Variants in ROBO2 observed in about 807,000 individuals in gnomAD.
ROBO2 encodes the protein roundabout homolog 2.
A neutral mutation model predicts 160.8 loss-of-function variants in ROBO2; 53 were observed. That is an observed-to-expected ratio of 0.33 (90% confidence interval 0.26 to 0.41). The LOEUF (loss-of-function observed/expected upper bound fraction) is 0.41. Among genes scored for constraint, ROBO2 ranks in the 10% least tolerant of loss-of-function variants. The pLI, the probability that ROBO2 is intolerant of heterozygous loss-of-function variation, is 1.00. For missense variants in ROBO2, 1,577 were observed against 1,722.4 expected, an observed-to-expected ratio of 0.92 and a Z score of 1.49; for synonymous variants, 664 against 611.7, an observed-to-expected ratio of 1.09 and a Z score of -1.26.
chr3:77,267,178 A>C (rs1034055905), intron 2 of ROBO2, among the ~76,000 whole-genome samples: 4 of 152,174 alleles, frequency 2.6e-5, no homozygotes, highest in Non-Finnish European at 5.9e-5. Flanking sequence ...CTTGCAATCT[A>C]GTTTGTATGC....
intron 2 of ROBO2, among the ~76,000 whole-genome samples, chr3:75,952,928 G>A (rs1253339992): frequency 1.3e-5 from 2 of 151,850 alleles, no homozygotes; most frequent in Non-Finnish European, 2.9e-5. Context: ...CTTTCACTTG[G>A]CAATATGCAT....
Position 76,622,235 on chromosome 3 carries a change from G to GAAGA in ROBO2, c.110-475704_110-475701dup, listed in dbSNP as rs66811756. ...GGAAGGAAGGAAGGAAGGAAGGAAG[G>GAAGA]AAGAAAGAAAGAAAGAAAGAAAGAA... is the stretch of plus-strand genomic sequence containing the variant. On this transcript the variant is annotated intron_variant, in intron 2 of 26. Coordinates refer to the ROBO2 transcript ENST00000487694. Among the ~76,000 whole-genome samples, 122 of 44,760 alleles carry GAAGA rather than the reference G, an allele frequency of 2.7e-3. 3 individuals carry two copies. The highest frequency in any genetic ancestry group is 5.8e-3 in the East Asian group (6 of 1,040). The allele number at this position is 44,760 out of a possible 152,430, so 29.4% of individuals were successfully genotyped here. A position where few individuals can be genotyped will look rare whatever the true frequency, so the allele number is the denominator to read the frequency against.
At chr3:77,031,165 ATT>A (rs983440298) in intron 2 of ROBO2, among the ~76,000 whole-genome samples, 14 of 152,078 alleles carry the variant, frequency 9.2e-5, no homozygotes, top group African/African-American at 3.4e-4. Context: ...CTGCCTTTTC[ATT>A]TGTTTGGAAA....
At chr3:76,459,170 G>T (rs1432523394) in intron 2 of ROBO2, among the ~76,000 whole-genome samples, 2 of 152,124 alleles carry the variant, frequency 1.3e-5, no homozygotes, top group Non-Finnish European at 2.9e-5. Context: ...CTTCTTTTCA[G>T]ACATATTTGG....
chr3:77,270,977 G>C (rs1409381076), intron 2 of ROBO2, among the ~76,000 whole-genome samples: 3 of 150,322 alleles, frequency 2.0e-5, no homozygotes, highest in Non-Finnish European at 4.4e-5. Flanking sequence ...CTATGTCATT[G>C]TTGAAAGTGA....
intron 2 of ROBO2, among the ~76,000 whole-genome samples, chr3:77,114,618 C>T (rs575920055): frequency 3.5e-4 from 54 of 152,228 alleles, no homozygotes; most frequent in African/African-American, 1.3e-3. Context: ...ATCAGCCATT[C>T]AGGTCTAAGG....
chr3:76,219,506 G>C (rs573714056), intron 2 of ROBO2, among the ~76,000 whole-genome samples: 69 of 152,252 alleles, frequency 4.5e-4, no homozygotes, highest in African/African-American at 1.6e-3. Flanking sequence ...CCATCAAAAA[G>C]TGGGCGAAGG....
intron 2 of ROBO2, among the ~76,000 whole-genome samples, chr3:76,419,427 G>A (rs756660359): frequency 4.0e-5 from 6 of 151,126 alleles, no homozygotes; most frequent in Non-Finnish European, 5.9e-5. Flanking sequence ...CAATGGAAAT[G>A]GGTTACAAAC....
chr3:77,418,722 G>A (rs1350924988), intron 2 of ROBO2, among the ~76,000 whole-genome samples: 1 of 152,110 alleles, frequency 6.6e-6, no homozygotes, highest in African/African-American at 2.4e-5. Flanking sequence ...ATGATGGAGA[G>A]AGACATTTAA....
At chr3:76,283,871 G>T (rs1249991861) in intron 2 of ROBO2, among the ~76,000 whole-genome samples, 1 of 151,844 alleles carries the variant, frequency 6.6e-6, no homozygotes, top group African/African-American at 2.4e-5. Flanking sequence ...TATTACATGG[G>T]GTCTTCTCTA....
At chr3:76,432,947 A>T (rs940418028) in intron 2 of ROBO2, among the ~76,000 whole-genome samples, 24 of 151,718 alleles carry the variant, frequency 1.6e-4, no homozygotes, top group African/African-American at 5.6e-4. Context: ...GAGGGAGGAG[A>T]CTCACTCACT....
intron 2 of ROBO2, among the ~76,000 whole-genome samples, chr3:76,491,591 C>G (rs1448577974): frequency 6.6e-6 from 1 of 152,136 alleles, no homozygotes; most frequent in African/African-American, 2.4e-5. Flanking sequence ...GAATGATATT[C>G]TACCTTTGTT....
At chr3:77,506,880 A>G (rs934569903) in intron 5 of ROBO2, among the ~76,000 whole-genome samples, 1 of 152,166 alleles carries the variant, frequency 6.6e-6, no homozygotes, top group Non-Finnish European at 1.5e-5. Flanking sequence ...TGATGGTTAT[A>G]CAAAATGAGA....
In ROBO2 at chr3:77,568,419, T is replaced by G. The variant is rs751451257; in HGVS notation, c.1956T>G (p.Val652=). The G allele has an allele frequency of 1.9e-6, 3 of 1,612,870 alleles. No homozygotes were observed. The South Asian group carries it at 3.3e-5, about 18-fold the overall frequency. ...CAGTTGTGCTGACTCCCACCACGGTTCAGGTCACATGGACGGTAAGCTTTC... is the reference window on the plus strand; with the variant it reads ...CAGTTGTGCTGACTCCCACCACGGTGCAGGTCACATGGACGGTAAGCTTTC... Residue 652 remains valine (V), a synonymous_variant, in exon 13 of 26, where the codon GTT becomes GTG. Coordinates refer to ENST00000461745, the Ensembl canonical transcript of ROBO2.
chr3:77,624,535 C>T (rs544112044), intron 23 of ROBO2, among the ~76,000 whole-genome samples: 1 of 152,204 alleles, frequency 6.6e-6, no homozygotes, highest in East Asian at 1.9e-4. Flanking sequence ...AATCAGCATG[C>T]CAATGAATGT....
At chr3:76,597,572 A>G (rs1478890708) in intron 2 of ROBO2, among the ~76,000 whole-genome samples, 4 of 152,162 alleles carry the variant, frequency 2.6e-5, no homozygotes, top group Non-Finnish European at 4.4e-5. Flanking sequence ...CACACCTATC[A>G]TAATAGCTAA....
At chr3:76,131,424 A>G (rs137884301) in intron 2 of ROBO2, among the ~76,000 whole-genome samples, 12 of 152,232 alleles carry the variant, frequency 7.9e-5, no homozygotes, top group Non-Finnish European at 1.8e-4. Context: ...TCTTGAAAAA[A>G]TAATGTGAGA....
intron 2 of ROBO2, among the ~76,000 whole-genome samples, chr3:76,355,175 G>A (rs2075090777): frequency 6.6e-6 from 1 of 151,598 alleles, no homozygotes; most frequent in Non-Finnish European, 1.5e-5. Context: ...ATTTTAATCA[G>A]TATTAAAATG....
At chr3:76,905,596 T>G (rs774862266) in intron 2 of ROBO2, among the ~76,000 whole-genome samples, 15 of 152,138 alleles carry the variant, frequency 9.9e-5, no homozygotes, top group Non-Finnish European at 2.1e-4. Context: ...CCCTTTTCAC[T>G]GTCCTGGCCT....
Sources: gnomAD v4.1 joint callset for allele counts (sites outside exome capture counted in the v4.1 genomes callset) on GRCh38, gnomAD v4.1.1 for gene constraint, MANE v1.5 for transcripts, NCBI Gene and HGNC (gene_info 2026-07-23, HGNC 2026-07-21) for gene names.